Variants in GLRA2 observed in about 807,000 individuals in gnomAD.
The protein encoded by GLRA2 is glycine receptor alpha 2.
GLRA2 carries 11 observed loss-of-function variants against 31.6 expected under a neutral mutation model. The ratio of observed to expected loss-of-function variants is 0.35; its 90% CI spans 0.22 to 0.58. The LOEUF (loss-of-function observed/expected upper bound fraction) is 0.58. Ranked by LOEUF, GLRA2 falls within the 20% of genes least tolerant of loss-of-function variation. The probability of loss-of-function intolerance (pLI) is 0.84; values close to 1 mark genes in which losing one functional copy is unlikely to be tolerated. For synonymous variants in GLRA2, 132 were observed against 134.0 expected, an observed-to-expected ratio of 0.99 and a Z score of 0.10; for missense variants, 212 against 351.8, an observed-to-expected ratio of 0.60 and a Z score of 3.18.
the GLRA2 span, among the ~76,000 whole-genome samples, chrX:14,509,977 A>C: frequency 3.6e-5 from 4 of 112,101 alleles, no homozygotes; most frequent in African/African-American, 1.3e-4. Context: ...GTGAGTTAAA[A>C]TCAGAGAGAA....
At chrX:14,464,397 A>G in the GLRA2 span, among the ~76,000 whole-genome samples, 4 of 111,005 alleles carry the variant, frequency 3.6e-5, no homozygotes, top group African/African-American at 9.8e-5. Flanking sequence ...TCTTCTGCAT[A>G]TGGATATCCA....
intron 7 of GLRA2, among the ~76,000 whole-genome samples, chrX:14,653,368 A>C (rs1015925529): frequency 8.9e-6 from 1 of 112,246 alleles, no homozygotes; most frequent in African/African-American, 3.2e-5. Flanking sequence ...TCATGGAAGG[A>C]GGTCAAAATA....
the GLRA2 span, among the ~76,000 whole-genome samples, chrX:14,462,272 C>T: frequency 9.0e-6 from 1 of 111,289 alleles, no homozygotes; most frequent in South Asian, 3.8e-4. Context: ...TCTCTGGCTG[C>T]CCTTAACATT....
chrX:14,694,742 T>C (rs1350544246), intron 8 of GLRA2, among the ~76,000 whole-genome samples: 1 of 112,651 alleles, frequency 8.9e-6, no homozygotes, highest in Non-Finnish European at 1.9e-5. Flanking sequence ...TTAGAATACG[T>C]TGCTTCACAG....
chrX:14,673,055 G>A (rs1006554011), intron 7 of GLRA2, among the ~76,000 whole-genome samples: 3 of 111,051 alleles, frequency 2.7e-5, no homozygotes, highest in African/African-American at 9.8e-5. Flanking sequence ...AAAGCTTCTC[G>A]GCTACCACTG....
At chrX:14,632,750 G>A (rs1340533332) in intron 7 of GLRA2, among the ~76,000 whole-genome samples, 1 of 111,054 alleles carries the variant, frequency 9.0e-6, no homozygotes, top group African/African-American at 3.3e-5. Flanking sequence ...TTTTCTTAAT[G>A]GTTCATACTT....
intron 3 of GLRA2, 30 bp from the exon 4 acceptor site, chrX:14,581,153 C>T: frequency 1.2e-6 from 1 of 837,213 alleles, no homozygotes; most frequent in South Asian, 2.0e-5. Context: ...CCAGGGTAAT[C>T]AGTAACACTT....
chrX:14,466,240 TAATG>T, the GLRA2 span, among the ~76,000 whole-genome samples: 3 of 110,748 alleles, frequency 2.7e-5, no homozygotes, highest in Non-Finnish European at 5.7e-5. Context: ...TAGCAAGTAA[TAATG>T]GCACAATCAG....
chrX:14,497,892 T>C, the GLRA2 span, among the ~76,000 whole-genome samples: 1 of 107,808 alleles, frequency 9.3e-6, no homozygotes, highest in African/African-American at 3.4e-5. Context: ...CCCAGAAATA[T>C]CATCCTGGAA....
chrX:14,510,246 C>A, the GLRA2 span, among the ~76,000 whole-genome samples: 1 of 111,479 alleles, frequency 9.0e-6, no homozygotes, highest in South Asian at 3.8e-4. Context: ...AGAGCTGTAG[C>A]GATAGAAGAG....
rs2090011723 is a variant in GLRA2 at position 14,581,110 on chromosome X, G to T, written c.271-73G>T. On this transcript the variant is annotated intron_variant, in intron 3 of 8. Transcript: ENST00000218075. ...CAAAGCTGTATCAAATCAGGGAGAA[G>T]AATGAGAGAGAAATGCAAATAGAAC... 9 of 642,091 alleles carry T rather than the reference G, an allele frequency of 1.4e-5. No individual in the cohort carries two copies. The East Asian group carries it at 2.6e-4, about 18-fold the overall frequency. 52.9% of individuals were successfully genotyped at this position (642,091 alleles called of 1,213,427 possible). A position where few individuals can be genotyped will look rare whatever the true frequency, so the allele number is the denominator to read the frequency against.
At chrX:14,706,239 C>G (rs1173562553) in intron 8 of GLRA2, among the ~76,000 whole-genome samples, 1 of 111,720 alleles carries the variant, frequency 9.0e-6, no homozygotes, top group East Asian at 2.8e-4. Flanking sequence ...TGCAGCCTCT[C>G]AGGCCCTACC....
At chrX:14,476,946 C>T in the GLRA2 span, among the ~76,000 whole-genome samples, 2 of 111,561 alleles carry the variant, frequency 1.8e-5, no homozygotes, top group African/African-American at 6.5e-5. Flanking sequence ...CTAGACCTCC[C>T]TGAAAATTCT....
At chrX:14,690,659 TTCTCTCTCTCTC>T (rs763242271) in intron 7 of GLRA2, 39 bp from the exon 8 acceptor site, 1 of 609,563 alleles carries the variant, frequency 1.6e-6, no homozygotes, top group African/African-American at 2.4e-5. Context: ...TAGTCTTTCT[TTCTCTCTCTCTC>T]TCTCTCTGTG....
Position 14,530,136 on chromosome X carries a change from C to T in GLRA2, c.68+11C>T, listed in dbSNP as rs1303015286. 2 of 1,088,930 alleles carry T rather than the reference C, an allele frequency of 1.8e-6. No individual in the cohort carries two copies. The highest frequency in any genetic ancestry group is 2.6e-6 in the Non-Finnish European group (2 of 783,745). The allele number at this position is 1,088,930 out of a possible 1,213,427, so 89.7% of individuals were successfully genotyped here. A position where few individuals can be genotyped will look rare whatever the true frequency, so the allele number is the denominator to read the frequency against. ...GACAAACCACTTCAGGTAGGTGAAA[C>T]GACTTTGCATGTTGATATTTAAATT... is the stretch of plus-strand genomic sequence containing the variant. On this transcript the variant is annotated intron_variant, in intron 1 of 8. Coordinates refer to ENST00000218075, the MANE Select transcript of GLRA2 (RefSeq NM_002063.4).
chrX:14,487,482 G>A, the GLRA2 span, among the ~76,000 whole-genome samples: 1 of 105,307 alleles, frequency 9.5e-6, no homozygotes, highest in African/African-American at 3.5e-5. Flanking sequence ...TATGGATTTC[G>A]TTGATCCTTT....
intron 4 of GLRA2, among the ~76,000 whole-genome samples, chrX:14,591,373 C>T (rs967742483): frequency 1.8e-5 from 2 of 111,638 alleles, no homozygotes; most frequent in Non-Finnish European, 3.8e-5. Context: ...GACAGTGCAG[C>T]CTTTAGCCTG....
intron 7 of GLRA2, among the ~76,000 whole-genome samples, chrX:14,684,835 A>G (rs896827772): frequency 2.7e-5 from 3 of 111,206 alleles, no homozygotes; most frequent in Admixed American, 1.9e-4. Context: ...TGCCCTGGCC[A>G]GAACTTCCAA....
At chrX:14,537,992 C>T (rs756655540) in intron 2 of GLRA2, among the ~76,000 whole-genome samples, 13 of 106,748 alleles carry the variant, frequency 1.2e-4, no homozygotes, top group South Asian at 4.4e-4. Flanking sequence ...TGTATGAACA[C>T]CAAACAACAC....
Sources: gnomAD v4.1 joint callset for allele counts (sites outside exome capture counted in the v4.1 genomes callset) on GRCh38, gnomAD v4.1.1 for gene constraint, MANE v1.5 for transcripts, NCBI Gene and HGNC (gene_info 2026-07-23, HGNC 2026-07-21) for gene names.